The following CREG2 variants were observed in gnomAD, a reference collection of about 807,000 sequenced individuals.
CREG2 encodes cellular repressor of E1A stimulated genes 2.
In CREG2, 24 loss-of-function variants were observed where a neutral mutation model predicts 26.2. The observed-to-expected ratio is 0.92, with a 90% CI of 0.66 to 1.29. The LOEUF is 1.29. Among genes scored for constraint, CREG2 ranks in the 50% most tolerant of loss-of-function variants. The pLI is 0.00. For synonymous variants in CREG2, 174 were observed against 169.2 expected (o/e 1.03, Z -0.22); for missense variants, 366 against 398.6 (o/e 0.92, Z 0.70).
chr2:101,382,426 CG>C (rs1315378148), intron 2 of CREG2: 27 of 713,146 alleles, frequency 3.8e-5, no homozygotes, highest in South Asian at 1.4e-4. Flanking sequence ...AACTCTATCT[CG>C]AAAAAAAAAA....
At position 101,347,335 on chromosome 2, in the gene CREG2, CA is replaced by C. The variant is rs1452955942; in HGVS notation, c.*3587del. 6.6e-6 allele frequency: 1 copy of C among 152,154 alleles called. No individual in the cohort carries two copies. Among genetic ancestry groups the C allele is most frequent in the African/African-American group, 2.4e-5 (1 of 41,436 alleles). The allele number at this position is 152,154 out of a possible 1,614,324, so 9.4% of individuals were successfully genotyped here. On this transcript the variant is annotated 3_prime_UTR_variant, in exon 4 of 4. Coordinates refer to ENST00000324768, the MANE Select transcript of CREG2 (RefSeq NM_153836.4). ...TTTTCATTTCTCTTGTATAAATGCCCAGGAGCAATTGAGGGTCAGTATGGCA... is the reference window on the plus strand; with the variant it reads ...TTTTCATTTCTCTTGTATAAATGCCCGGAGCAATTGAGGGTCAGTATGGCA...
At chr2:101,368,207 G>A in intron 2 of CREG2, among the ~76,000 whole-genome samples, 1 of 151,134 alleles carries the variant, frequency 6.6e-6, no homozygotes, top group Non-Finnish European at 1.5e-5. Context: ...AGAATTGCTT[G>A]AATCCGGGAG....
intron 2 of CREG2, among the ~76,000 whole-genome samples, chr2:101,373,672 A>G (rs549851222): frequency 6.6e-6 from 1 of 152,332 alleles, no homozygotes; most frequent in South Asian, 2.1e-4. Context: ...TCATTAGTGA[A>G]TTCATGAAAT....
intron 2 of CREG2, among the ~76,000 whole-genome samples, chr2:101,369,967 C>T (rs1221892678): frequency 3.3e-5 from 5 of 152,172 alleles, no homozygotes; most frequent in South Asian, 2.1e-4. Context: ...CTTTCTGAAA[C>T]GTGGTGGGGG....
intron 2 of CREG2, among the ~76,000 whole-genome samples, chr2:101,361,104 AAC>A (rs1423254618): frequency 2.6e-5 from 4 of 152,276 alleles, no homozygotes; most frequent in African/African-American, 9.6e-5. Context: ...ATAGAATAAT[AAC>A]ACAGTACATT....
intron 2 of CREG2, among the ~76,000 whole-genome samples, chr2:101,381,260 T>C (rs974508778): frequency 3.3e-5 from 5 of 152,188 alleles, no homozygotes; most frequent in African/African-American, 1.2e-4. Flanking sequence ...CTGCGGACAC[T>C]TCTACCAGAT....
At chr2:101,384,693 C>T (rs1207085619) in intron 1 of CREG2, among the ~76,000 whole-genome samples, 1 of 152,104 alleles carries the variant, frequency 6.6e-6, no homozygotes, top group Non-Finnish European at 1.5e-5. Flanking sequence ...CCCATCCCTA[C>T]AAAAAGTTTT....
At chr2:101,367,195 A>G (rs570760083) in intron 2 of CREG2, among the ~76,000 whole-genome samples, 6 of 152,268 alleles carry the variant, frequency 3.9e-5, no homozygotes, top group Admixed American at 3.3e-4. Context: ...GCCACACACA[A>G]CAGATGGCAC....
At chr2:101,385,121 G>A (rs895128136) in intron 1 of CREG2, among the ~76,000 whole-genome samples, 1 of 151,996 alleles carries the variant, frequency 6.6e-6, no homozygotes, top group Non-Finnish European at 1.5e-5. Flanking sequence ...AAGACAGGTG[G>A]TATATCATGT....
intron 1 of CREG2, among the ~76,000 whole-genome samples, chr2:101,384,857 T>C (rs1420232462): frequency 6.6e-6 from 1 of 152,056 alleles, no homozygotes; most frequent in Non-Finnish European, 1.5e-5. Flanking sequence ...CCAGACCCCA[T>C]CTATAAAATA....
intron 2 of CREG2, among the ~76,000 whole-genome samples, chr2:101,357,960 G>C (rs1480648976): frequency 2.2e-5 from 3 of 135,350 alleles, no homozygotes; most frequent in African/African-American, 8.1e-5. Flanking sequence ...CTGGGCGACA[G>C]AGCGAGACTC....
At chr2:101,386,799 T>G (rs1264486670) in intron 1 of CREG2, among the ~76,000 whole-genome samples, 1 of 152,086 alleles carries the variant, frequency 6.6e-6, no homozygotes, top group Non-Finnish European at 1.5e-5. Context: ...GGAAACCTGG[T>G]TATCCATGTC....
intron 2 of CREG2, among the ~76,000 whole-genome samples, chr2:101,360,482 C>T (rs1000337587): frequency 3.9e-5 from 6 of 152,116 alleles, no homozygotes; most frequent in African/African-American, 1.4e-4. Flanking sequence ...CACCTGTAAT[C>T]CCAGCACTTT....
chr2:101,383,226 GGACTCCTGCC>G lies in CREG2; in HGVS notation c.611+297_611+306del, dbSNP rs1573319187. 3 of 391,504 alleles carry G rather than the reference GGACTCCTGCC, an allele frequency of 7.7e-6. No individual in the cohort carries two copies. In the East Asian group the frequency reaches 2.0e-4, roughly 26 times the overall value. The allele number at this position is 391,504 out of a possible 1,614,324, so 24.3% of individuals were successfully genotyped here. ...TTTTCCATAACAACAGGAGCTGTCT[GGACTCCTGCC>G]AGTGTTGCACAAAGCATTTTACACC... On this transcript the variant is annotated intron_variant, in intron 2 of 3. Transcript: ENST00000324768.
At chr2:101,376,768 A>T (rs1197194379) in intron 2 of CREG2, among the ~76,000 whole-genome samples, 1 of 152,216 alleles carries the variant, frequency 6.6e-6, no homozygotes, top group Non-Finnish European at 1.5e-5. Context: ...TTACCATCAC[A>T]TGATCAAATT....
intron 2 of CREG2, among the ~76,000 whole-genome samples, chr2:101,371,669 T>C (rs1684708969): frequency 6.6e-6 from 1 of 152,156 alleles, no homozygotes; most frequent in African/African-American, 2.4e-5. Flanking sequence ...CTTTGCTGCT[T>C]CGAGGGTCAC....
chr2:101,354,327 T>C (rs1684423288), intron 3 of CREG2, among the ~76,000 whole-genome samples: 1 of 152,222 alleles, frequency 6.6e-6, no homozygotes, highest in South Asian at 2.1e-4. Flanking sequence ...TCTGTTTCTT[T>C]AGGTATTGAA....
At chr2:101,360,597 G>A (rs751269754) in intron 2 of CREG2, among the ~76,000 whole-genome samples, 1 of 152,090 alleles carries the variant, frequency 6.6e-6, no homozygotes. Flanking sequence ...AATTAGCCGG[G>A]TGTGGTGGTG....
chr2:101,354,158 AC>A (rs1684420411), intron 3 of CREG2, among the ~76,000 whole-genome samples: 2 of 152,196 alleles, frequency 1.3e-5, no homozygotes, highest in Non-Finnish European at 2.9e-5. Context: ...AACCTAATGA[AC>A]CCACTGATCT....
Sources: gnomAD v4.1 joint callset for allele counts (sites outside exome capture counted in the v4.1 genomes callset) on GRCh38, gnomAD v4.1.1 for gene constraint, MANE v1.5 for transcripts, NCBI Gene and HGNC (gene_info 2026-07-23, HGNC 2026-07-21) for gene names.